Variants in FRMD5 observed in about 807,000 individuals in gnomAD.
The protein encoded by FRMD5 is FERM domain-containing protein 5.
Under a neutral mutation model 69.0 loss-of-function variants are expected in FRMD5, and 20 were observed. The ratio of observed to expected loss-of-function variants is 0.29; its 90% confidence interval spans 0.20 to 0.42. The LOEUF is 0.42. Among genes scored for constraint, FRMD5 ranks in the 10% least tolerant of loss-of-function variants. FRMD5 has a pLI of 1.00. For missense variants in FRMD5, 595 were observed against 708.6 expected, an observed-to-expected ratio of 0.84 and a Z score of 1.82; for synonymous variants, 271 against 260.1, an observed-to-expected ratio of 1.04 and a Z score of -0.40.
At chr15:44,175,160 A>G (rs1035165474) in intron 1 of FRMD5, among the ~76,000 whole-genome samples, 4 of 152,188 alleles carry the variant, frequency 2.6e-5, no homozygotes, top group Admixed American at 6.5e-5. Flanking sequence ...TGGAAATTCA[A>G]TATTTTTAAA....
chr15:44,182,040 T>A (rs560124990), intron 1 of FRMD5, among the ~76,000 whole-genome samples: 2 of 151,296 alleles, frequency 1.3e-5, no homozygotes, highest in South Asian at 4.2e-4. Context: ...AAACGGAGTC[T>A]CACTCTGTCG....
chr15:43,898,244 C>T (rs1014666929), intron 7 of FRMD5, among the ~76,000 whole-genome samples: 2 of 152,136 alleles, frequency 1.3e-5, no homozygotes, highest in Admixed American at 6.6e-5. Context: ...ACCCTGGGTT[C>T]GAGCCTCAGT....
At chr15:44,076,629 G>T (rs1418121566) in intron 1 of FRMD5, among the ~76,000 whole-genome samples, 10 of 119,068 alleles carry the variant, frequency 8.4e-5, no homozygotes, top group African/African-American at 2.2e-4. Context: ...GTTGTGGGGT[G>T]GGGGGAGGGG....
chr15:43,873,637 AAC>A lies in FRMD5; in HGVS notation c.*246_*247del, dbSNP rs1485088576. 1.1e-5 allele frequency: 17 copies of A among 1,482,778 alleles called. No homozygotes were observed. Among genetic ancestry groups the A allele is most frequent in the Non-Finnish European group, 1.4e-5 (16 of 1,126,914 alleles). The allele number at this position is 1,482,778 out of a possible 1,614,324, so 91.9% of individuals were successfully genotyped here. A position where few individuals can be genotyped will look rare whatever the true frequency, so the allele number is the denominator to read the frequency against. ...TATCCTGCAAATTGGAAAGATGAGA[AAC>A]AGAGTCGCTGAGCCTTTCTTGAAAT... On this transcript the variant is annotated 3_prime_UTR_variant, in exon 14 of 14. Transcript: ENST00000417257.
intron 1 of FRMD5, among the ~76,000 whole-genome samples, chr15:44,050,949 T>C (rs1892636973): frequency 6.6e-6 from 1 of 151,688 alleles, no homozygotes; most frequent in Admixed American, 6.6e-5. Context: ...TGAGTCACCG[T>C]GCCCAGCCTG....
intron 1 of FRMD5, 154 bp downstream of exon 1, chr15:44,194,799 G>GC (rs1345000500): frequency 1.4e-6 from 1 of 731,206 alleles, no homozygotes; most frequent in Non-Finnish European, 2.4e-6. Flanking sequence ...CGGTGAAGAC[G>GC]CCCTGCACTA....
intron 1 of FRMD5, among the ~76,000 whole-genome samples, chr15:44,188,659 C>T (rs1312890850): frequency 1.3e-5 from 2 of 152,104 alleles, no homozygotes; most frequent in Non-Finnish European, 2.9e-5. Flanking sequence ...TTATCCAATC[C>T]CTTATTTCAT....
intron 1 of FRMD5, among the ~76,000 whole-genome samples, chr15:44,188,100 C>G (rs925663563): frequency 1.3e-5 from 2 of 152,064 alleles, no homozygotes; most frequent in African/African-American, 4.8e-5. Context: ...TTTTCCTTTC[C>G]CCTAGTGCGT....
chr15:44,191,284 AAGAT>A lies in FRMD5; in HGVS notation c.102+3665_102+3668del, dbSNP rs1225927425. Among the ~76,000 whole-genome samples, 4 of 152,170 alleles carry A rather than the reference AAGAT, an allele frequency of 2.6e-5. No homozygotes were observed. The East Asian group carries it at 7.7e-4, about 29-fold the overall frequency. On this transcript the variant is annotated intron_variant, in intron 1 of 13. Transcript: ENST00000417257. ...TAATTTATAAACTATTATAAGCTGAAAGATAGTTCAAAATCTATTCCTGGCCGGG... is the reference window on the plus strand; with the variant it reads ...TAATTTATAAACTATTATAAGCTGAAAGTTCAAAATCTATTCCTGGCCGGG...
rs530547780 is a variant in FRMD5 at position 43,874,621 on chromosome 15, C to T, written c.1136-159G>A. ...TTGATATATCGAGAAGACGACAGGC[C>T]GGGTATGGTGGCTTACACCTGTCAT... On this transcript the variant is annotated intron_variant, in intron 13 of 13. Coordinates refer to ENST00000417257, the MANE Select transcript of FRMD5 (RefSeq NM_032892.5). Among the ~76,000 whole-genome samples the T allele has an allele frequency of 3.3e-5, 5 of 152,252 alleles. No homozygotes were observed. In the South Asian group the frequency reaches 6.2e-4, roughly 19 times the overall value.
At chr15:44,163,152 C>T (rs1044977520) in intron 1 of FRMD5, among the ~76,000 whole-genome samples, 3 of 151,998 alleles carry the variant, frequency 2.0e-5, no homozygotes, top group African/African-American at 4.8e-5. Flanking sequence ...CCAGCCTGGG[C>T]GACAGAGCGA....
At chr15:44,151,900 A>G (rs1214434463) in intron 1 of FRMD5, among the ~76,000 whole-genome samples, 1 of 152,188 alleles carries the variant, frequency 6.6e-6, no homozygotes, top group Non-Finnish European at 1.5e-5. Context: ...ACAAACAAAA[A>G]TCACAATTAG....
At chr15:43,924,452 T>A (rs1410217580) in intron 1 of FRMD5, 143 bp from the exon 2 acceptor site, 3 of 627,712 alleles carry the variant, frequency 4.8e-6, no homozygotes, top group African/African-American at 1.8e-5. Context: ...TCCTCCACAT[T>A]GTGATACATC....
rs1239369826 is a variant in FRMD5 at position 43,874,298 on chromosome 15, G to A, written c.1300C>T (p.Pro434Ser). 8 of 1,614,194 alleles carry A rather than the reference G, an allele frequency of 5.0e-6. No homozygotes were observed. The highest frequency in any genetic ancestry group is 6.8e-6 in the Non-Finnish European group (8 of 1,180,044). The change falls in exon 14 of 14, where the codon CCT becomes TCT. Residue 434 changes from proline to serine, a missense_variant. By Grantham distance (74) the Pro-to-Ser change is moderately conservative (BLOSUM62 -1). Coordinates refer to ENST00000417257, the MANE Select transcript of FRMD5 (RefSeq NM_032892.5). ...YSPADSVLPT[P>S]VAEHSLELML... Reference sequence around the variant, plus strand: ...AGCTCCAGGCTGTGCTCAGCCACAGGGGTGGGCAGCACGCTGTCTGCAGGG... The same window carrying A: ...AGCTCCAGGCTGTGCTCAGCCACAGAGGTGGGCAGCACGCTGTCTGCAGGG...
chr15:44,020,597 CTTTATTAA>C (rs1891170496), intron 1 of FRMD5, among the ~76,000 whole-genome samples: 2 of 152,276 alleles, frequency 1.3e-5, no homozygotes, highest in South Asian at 4.2e-4. Context: ...TACGTTGGAG[CTTTATTAA>C]TTTATTAATC....
At chr15:44,048,094 A>G (rs1446996404) in intron 1 of FRMD5, among the ~76,000 whole-genome samples, 1 of 152,162 alleles carries the variant, frequency 6.6e-6, no homozygotes, top group Non-Finnish European at 1.5e-5. Flanking sequence ...GCTGGGTCAC[A>G]TGGTAACTCT....
intron 4 of FRMD5, among the ~76,000 whole-genome samples, chr15:43,916,538 C>T (rs1031089836): frequency 5.3e-5 from 8 of 152,046 alleles, no homozygotes; most frequent in African/African-American, 9.7e-5. Flanking sequence ...TGTAAGAGGC[C>T]GGGATAGTGG....
rs181278753 is a variant in FRMD5 at position 43,872,297 on chromosome 15, T to C, written c.*1588A>G. Reference sequence around the variant, plus strand: ...GGTTCTACCATCTCGGGGGACAAAATAGGGGAGGTCAAGTCTACAAGTGAC... The same window carrying C: ...GGTTCTACCATCTCGGGGGACAAAACAGGGGAGGTCAAGTCTACAAGTGAC... On this transcript the variant is annotated 3_prime_UTR_variant, in exon 14 of 14. Coordinates refer to ENST00000417257, the MANE Select transcript of FRMD5 (RefSeq NM_032892.5). 27 of 152,260 alleles carry C rather than the reference T, an allele frequency of 1.8e-4. No homozygotes were observed. The highest frequency in any genetic ancestry group is 6.5e-4 in the African/African-American group (27 of 41,556). The allele number at this position is 152,260 out of a possible 1,614,324, so 9.4% of individuals were successfully genotyped here.
At chr15:43,986,234 A>G (rs990382845) in intron 1 of FRMD5, among the ~76,000 whole-genome samples, 1 of 152,234 alleles carries the variant, frequency 6.6e-6, no homozygotes, top group Non-Finnish European at 1.5e-5. Flanking sequence ...CACAAACAAC[A>G]AAGTGTGCGG....
Sources: gnomAD v4.1 joint callset for allele counts (sites outside exome capture counted in the v4.1 genomes callset) on GRCh38, gnomAD v4.1.1 for gene constraint, MANE v1.5 for transcripts, NCBI Gene and HGNC (gene_info 2026-07-23, HGNC 2026-07-21) for gene names.